The following ST3GAL5 variants were observed in gnomAD, a reference collection of about 807,000 sequenced individuals.
ST3GAL5 encodes ST3 beta-galactoside alpha-2,3-sialyltransferase 5, also known as lactosylceramide alpha-2,3-sialyltransferase.
A neutral mutation model predicts 46.1 loss-of-function variants in ST3GAL5; 25 were observed. That is an observed-to-expected ratio of 0.54 (90% CI 0.40 to 0.76). The LOEUF (loss-of-function observed/expected upper bound fraction) is 0.76, where lower values mean the gene tolerates loss of function less well. ST3GAL5 is among the 30% of genes least tolerant of loss of function. ST3GAL5 has a pLI of 0.00. For missense variants in ST3GAL5, 431 were observed against 521.2 expected, an observed-to-expected ratio of 0.83 and a Z score of 1.69; for synonymous variants, 182 against 192.7, an observed-to-expected ratio of 0.94 and a Z score of 0.46.
At chr2:85,887,683 T>G (rs1255782307) in intron 1 of ST3GAL5, 2 of 152,266 alleles carry the variant, frequency 1.3e-5, no homozygotes, top group Non-Finnish European at 2.9e-5. Context: ...CAACCTGTCC[T>G]GACTGTATTC....
intron 1 of ST3GAL5, among the ~76,000 whole-genome samples, chr2:85,871,450 C>T (rs747312351): frequency 4.6e-5 from 7 of 152,178 alleles, no homozygotes; most frequent in East Asian, 1.9e-4. Flanking sequence ...ATTTGTAAGA[C>T]ATTTAACTTC....
At chr2:85,853,787 C>T (rs1026263251) in intron 3 of ST3GAL5, 1 of 152,308 alleles carries the variant, frequency 6.6e-6, no homozygotes, top group Non-Finnish European at 1.5e-5. Context: ...CCCAAATCCT[C>T]AGTGATAGGC....
At chr2:85,883,259 A>C (rs1186468248) in intron 1 of ST3GAL5, among the ~76,000 whole-genome samples, 1 of 152,030 alleles carries the variant, frequency 6.6e-6, no homozygotes, top group Non-Finnish European at 1.5e-5. Context: ...GGTCTTTCCC[A>C]TGTTATTCTC....
chr2:85,882,095 A>G (rs1472623874), intron 1 of ST3GAL5, among the ~76,000 whole-genome samples: 1 of 152,234 alleles, frequency 6.6e-6, no homozygotes, highest in Non-Finnish European at 1.5e-5. Flanking sequence ...AGAGGGTGGA[A>G]GCCCCAAGCC....
At chr2:85,856,175 T>C (rs1291266292) in intron 3 of ST3GAL5, 3 of 152,116 alleles carry the variant, frequency 2.0e-5, no homozygotes, top group Admixed American at 2.0e-4. Flanking sequence ...TAGCCAAAAG[T>C]GGACACAACC....
intron 1 of ST3GAL5, among the ~76,000 whole-genome samples, chr2:85,882,108 G>T (rs1330130580): frequency 6.6e-6 from 1 of 152,222 alleles, no homozygotes; most frequent in East Asian, 1.9e-4. Flanking sequence ...CCCAAGCCTT[G>T]GCAGCCTAGT....
At chr2:85,853,838 C>G (rs1051269110) in intron 3 of ST3GAL5, 36 of 152,212 alleles carry the variant, frequency 2.4e-4, no homozygotes, top group African/African-American at 8.2e-4. Context: ...ATTCTGAGGC[C>G]TGCACTTCTG....
chr2:85,881,230 C>A (rs1687113270), intron 1 of ST3GAL5, among the ~76,000 whole-genome samples: 1 of 152,178 alleles, frequency 6.6e-6, no homozygotes, highest in South Asian at 2.1e-4. Context: ...ACTGTAAATC[C>A]AATTAAACCT....
At chr2:85,863,275 T>C (rs1009936962) in intron 2 of ST3GAL5, 87 bp downstream of exon 2, 1 of 1,608,066 alleles carries the variant, frequency 6.2e-7, no homozygotes, top group Admixed American at 1.7e-5. Context: ...ACATTAGCCA[T>C]CTTGAGGGCT....
At position 85,840,126 on chromosome 2, in the gene ST3GAL5, A is replaced by C. The variant is rs1189611593; in HGVS notation, c.*18T>G. On this transcript the variant is annotated 3_prime_UTR_variant, in exon 7 of 7. Transcript: ENST00000638572. The stretch of plus-strand genomic sequence containing the variant: ...CTCTCAGAGTTAGAGTTGCATTTTC[A>C]ACTGAGGTTTTCTGTGTTCAAAATT... 6.2e-7 allele frequency: 1 copy of C among 1,614,092 alleles called. No individual in the cohort carries two copies. The highest frequency in any genetic ancestry group is 8.5e-7 in the Non-Finnish European group (1 of 1,180,042).
chr2:85,863,621 G>A, intron 1 of ST3GAL5, 136 bp from the exon 2 acceptor site: 1 of 956,580 alleles, frequency 1.0e-6, no homozygotes, highest in Non-Finnish European at 1.6e-6. Context: ...AGAATGAACT[G>A]TTGTTACATG....
In ST3GAL5 at chr2:85,844,704, A is replaced by T. The variant is rs957293911; in HGVS notation, c.850-150T>A. 3 of 1,063,476 alleles carry T rather than the reference A, an allele frequency of 2.8e-6. No individual in the cohort carries two copies. The East Asian group carries it at 7.7e-5, about 27-fold the overall frequency. 65.9% of individuals were successfully genotyped at this position (1,063,476 alleles called of 1,614,324 possible). A position where few individuals can be genotyped will look rare whatever the true frequency, so the allele number is the denominator to read the frequency against. On this transcript the variant is annotated intron_variant, in intron 5 of 6. Transcript: ENST00000638572. ...TCTACTCCTATAGATTGCAAAAGCT[A>T]CGCAAATCCGGCACTCCAACTCAAA...
intron 1 of ST3GAL5, among the ~76,000 whole-genome samples, chr2:85,885,687 GC>G (rs1356856112): frequency 6.6e-6 from 1 of 152,146 alleles, no homozygotes; most frequent in East Asian, 1.9e-4. Flanking sequence ...AATTAGCCGG[GC>G]GAGGTGGCAG....
intron 1 of ST3GAL5, among the ~76,000 whole-genome samples, chr2:85,879,257 A>G (rs929902794): frequency 2.0e-5 from 3 of 152,164 alleles, no homozygotes; most frequent in Non-Finnish European, 4.4e-5. Flanking sequence ...GGAAGGTGCC[A>G]CAGGACTTGG....
intron 1 of ST3GAL5, among the ~76,000 whole-genome samples, chr2:85,885,022 A>G (rs1687589784): frequency 6.6e-6 from 1 of 152,232 alleles, no homozygotes; most frequent in Admixed American, 6.5e-5. Flanking sequence ...TGGGTACAGG[A>G]CTTGGTGAAC....
At chr2:85,865,414 T>C (rs915295075) in intron 1 of ST3GAL5, among the ~76,000 whole-genome samples, 1 of 152,232 alleles carries the variant, frequency 6.6e-6, no homozygotes, top group Admixed American at 6.5e-5. Flanking sequence ...TTAATTCTAA[T>C]TCTGTGTAGC....
At chr2:85,881,085 A>G (rs1687097134) in intron 1 of ST3GAL5, among the ~76,000 whole-genome samples, 2 of 152,150 alleles carry the variant, frequency 1.3e-5, no homozygotes, top group African/African-American at 4.8e-5. Flanking sequence ...CTCATACTGA[A>G]TAAGTCTCAT....
rs1158230479 is a variant in ST3GAL5 at position 85,839,847 on chromosome 2, T to C, written c.*297A>G. On this transcript the variant is annotated 3_prime_UTR_variant, in exon 7 of 7. Coordinates refer to ENST00000638572, the MANE Select transcript of ST3GAL5 (RefSeq NM_003896.4). ...TGTAAACGAGCAGAAGTTTTACAAA[T>C]TAAATTACTTTCTTAAAAATCAATA... 4.8e-6 allele frequency: 2 copies of C among 416,852 alleles called. No homozygotes were observed. Among genetic ancestry groups the C allele is most frequent in the Non-Finnish European group, 9.0e-6 (2 of 223,362 alleles). 25.8% of individuals were successfully genotyped at this position (416,852 alleles called of 1,614,324 possible).
intron 4 of ST3GAL5, 131 bp downstream of exon 4, chr2:85,847,730 G>A (rs1682976371): frequency 7.2e-7 from 1 of 1,381,540 alleles, no homozygotes; most frequent in Non-Finnish European, 9.6e-7. Flanking sequence ...GGGAAGTTGA[G>A]GCTGCAGTGA....
Sources: allele counts gnomAD v4.1 joint callset (sites outside exome capture counted in the v4.1 genomes callset), GRCh38; gene constraint gnomAD v4.1.1; transcripts MANE v1.5; gene names NCBI Gene and HGNC (gene_info 2026-07-23, HGNC 2026-07-21).